The following SLC24A2 variants were observed in gnomAD, a reference collection of about 807,000 sequenced individuals.
SLC24A2 encodes sodium/potassium/calcium exchanger 2.
SLC24A2 carries 36 observed loss-of-function variants against 62.0 expected under a neutral mutation model. The observed-to-expected ratio is 0.58, with a 90% CI of 0.44 to 0.77. The LOEUF is 0.77. Among genes scored for constraint, SLC24A2 ranks in the 30% least tolerant of loss-of-function variants. The pLI, the probability that SLC24A2 is intolerant of heterozygous loss-of-function variation, is 0.00. For missense variants in SLC24A2, 846 were observed against 817.9 expected, an observed-to-expected ratio of 1.03 and a Z score of -0.42; for synonymous variants, 358 against 294.0, an observed-to-expected ratio of 1.22 and a Z score of -2.23.
intron 4 of SLC24A2, among the ~76,000 whole-genome samples, chr9:19,609,106 T>C (rs1398098711): frequency 6.6e-6 from 1 of 152,248 alleles, no homozygotes; most frequent in African/African-American, 2.4e-5. Context: ...AAGCCTTGCT[T>C]GCCTGCAGCC....
chr9:20,099,738 C>T, the SLC24A2 span, among the ~76,000 whole-genome samples: 1 of 152,266 alleles, frequency 6.6e-6, no homozygotes, highest in African/African-American at 2.4e-5. Context: ...GACTTAACTG[C>T]ACTTCCTAGG....
intron 4 of SLC24A2, among the ~76,000 whole-genome samples, chr9:19,601,716 T>C (rs773489320): frequency 6.6e-6 from 1 of 152,150 alleles, no homozygotes; most frequent in Non-Finnish European, 1.5e-5. Flanking sequence ...GTTGCATATA[T>C]AGTTTGGAGC....
the SLC24A2 span, among the ~76,000 whole-genome samples, chr9:20,117,294 G>T: frequency 1.7e-4 from 26 of 152,130 alleles, no homozygotes; most frequent in Non-Finnish European, 1.3e-4. Flanking sequence ...AAGTTGCAAT[G>T]TGGAGGAGGA....
At chr9:20,086,518 G>A in the SLC24A2 span, among the ~76,000 whole-genome samples, 1 of 152,122 alleles carries the variant, frequency 6.6e-6, no homozygotes, top group Non-Finnish European at 1.5e-5. Flanking sequence ...CTTAACCACT[G>A]GCCTCTGACA....
chr9:19,750,595 T>C (rs991684789), intron 2 of SLC24A2, among the ~76,000 whole-genome samples: 10 of 152,134 alleles, frequency 6.6e-5, no homozygotes, highest in Non-Finnish European at 1.2e-4. Flanking sequence ...GTCCAGCCAT[T>C]TTCCCTTTTG....
intron 10 of SLC24A2, among the ~76,000 whole-genome samples, chr9:19,518,838 A>G (rs949264395): frequency 5.9e-5 from 9 of 152,234 alleles, no homozygotes; most frequent in Non-Finnish European, 1.2e-4. Context: ...ATCACTCAGT[A>G]TATTGTCAAA....
At chr9:20,251,553 G>T in the SLC24A2 span, among the ~76,000 whole-genome samples, 1 of 152,104 alleles carries the variant, frequency 6.6e-6, no homozygotes, top group African/African-American at 2.4e-5. Flanking sequence ...AGGGAGGATG[G>T]GAGCTATTTT....
chr9:19,745,310 C>T (rs899431730), intron 2 of SLC24A2, among the ~76,000 whole-genome samples: 2 of 152,154 alleles, frequency 1.3e-5, no homozygotes, highest in Non-Finnish European at 2.9e-5. Context: ...GTAAATTACC[C>T]AGCCTCGGGT....
chr9:20,289,758 C>T, the SLC24A2 span, among the ~76,000 whole-genome samples: 2 of 152,278 alleles, frequency 1.3e-5, no homozygotes, highest in African/African-American at 2.4e-5. Flanking sequence ...CCCAAAATGC[C>T]TCCTCCTGTT....
At chr9:19,835,190 A>G in the SLC24A2 span, among the ~76,000 whole-genome samples, 1 of 152,240 alleles carries the variant, frequency 6.6e-6, no homozygotes, top group African/African-American at 2.4e-5. Context: ...TAACCAGCTA[A>G]CATCATAATG....
chr9:20,192,340 G>C, the SLC24A2 span, among the ~76,000 whole-genome samples: 6 of 152,034 alleles, frequency 3.9e-5, no homozygotes, highest in Admixed American at 2.6e-4. Flanking sequence ...CTATTTTGTA[G>C]ACAAGGGGCA....
intron 4 of SLC24A2, among the ~76,000 whole-genome samples, chr9:19,613,691 C>T: frequency 6.6e-6 from 1 of 152,110 alleles, no homozygotes; most frequent in Non-Finnish European, 1.5e-5. Context: ...AAATCCATCC[C>T]TGGTCCAGGG....
chr9:20,045,300 C>T, the SLC24A2 span, among the ~76,000 whole-genome samples: 2 of 152,076 alleles, frequency 1.3e-5, no homozygotes, highest in African/African-American at 4.8e-5. Context: ...TCTCAGAGAG[C>T]GTGTACAAAG....
the SLC24A2 span, among the ~76,000 whole-genome samples, chr9:19,888,753 C>T: frequency 1.6e-4 from 25 of 152,250 alleles, no homozygotes; most frequent in East Asian, 4.1e-3. Flanking sequence ...GGTGTCTAGT[C>T]GTGGCCTGAA....
At chr9:19,687,203 C>T (rs1433261284) in intron 2 of SLC24A2, among the ~76,000 whole-genome samples, 1 of 151,988 alleles carries the variant, frequency 6.6e-6, no homozygotes, top group African/African-American at 2.4e-5. Flanking sequence ...TGGGTGACAA[C>T]ATAATCTGTA....
At chr9:20,219,323 C>G in the SLC24A2 span, among the ~76,000 whole-genome samples, 1 of 152,154 alleles carries the variant, frequency 6.6e-6, no homozygotes, top group Admixed American at 6.5e-5. Context: ...CACTGGAAGT[C>G]TGCAGCACAG....
chr9:20,226,949 G>C, the SLC24A2 span, among the ~76,000 whole-genome samples: 1 of 152,172 alleles, frequency 6.6e-6, no homozygotes, highest in Admixed American at 6.6e-5. Flanking sequence ...TGCTAACAGG[G>C]AGGAACCTAA....
chr9:20,042,963 T>C, the SLC24A2 span, among the ~76,000 whole-genome samples: 1 of 152,194 alleles, frequency 6.6e-6, no homozygotes, highest in East Asian at 1.9e-4. Context: ...AATGACTGGC[T>C]TTTCCCCATT....
chr9:19,971,271 G>C, the SLC24A2 span, among the ~76,000 whole-genome samples: 1 of 152,124 alleles, frequency 6.6e-6, no homozygotes, highest in African/African-American at 2.4e-5. Flanking sequence ...AAATCTCCTA[G>C]CATGCCTTCC....
Sources: allele counts gnomAD v4.1 joint callset (sites outside exome capture counted in the v4.1 genomes callset), GRCh38; gene constraint gnomAD v4.1.1; transcripts MANE v1.5; gene names NCBI Gene and HGNC (gene_info 2026-07-23, HGNC 2026-07-21).